NEGR1: variants seen among roughly 807,000 people sequenced by gnomAD.
NEGR1 encodes the protein neuronal growth regulator 1.
NEGR1 carries 10 observed loss-of-function variants against 40.9 expected under a neutral mutation model. The ratio of observed to expected loss-of-function variants is 0.24; its 90% CI spans 0.15 to 0.42. The LOEUF is 0.42. Ranked by LOEUF, NEGR1 falls within the 10% of genes least tolerant of loss-of-function variation. NEGR1 has a pLI of 1.00. For missense variants in NEGR1, 352 were observed against 438.9 expected, an observed-to-expected ratio of 0.80 and a Z score of 1.77; for synonymous variants, 185 against 166.8, an observed-to-expected ratio of 1.11 and a Z score of -0.84.
intron 1 of NEGR1, among the ~76,000 whole-genome samples, chr1:72,174,089 T>C (rs995707716): frequency 6.6e-6 from 1 of 152,146 alleles, no homozygotes; most frequent in African/African-American, 2.4e-5. Context: ...GTTTGTTTTT[T>C]TTAAAAAAAC....
chr1:72,124,644 T>C (rs1435319208), intron 1 of NEGR1, among the ~76,000 whole-genome samples: 1 of 152,076 alleles, frequency 6.6e-6, no homozygotes, highest in Non-Finnish European at 1.5e-5. Context: ...GGGACCTAAT[T>C]CTATCATCCA....
rs375128374 is a variant in NEGR1 at position 71,609,465 on chromosome 1, A to T, written c.788+1561T>A. Among the ~76,000 whole-genome samples, 861 of 137,352 alleles carry T rather than the reference A, an allele frequency of 6.3e-3. 4 individuals carry two copies. The highest frequency in any genetic ancestry group is 0.02 in the Middle Eastern group (5 of 244). 90.1% of individuals were successfully genotyped at this position (137,352 alleles called of 152,430 possible). On this transcript the variant is annotated intron_variant, in intron 5 of 6. Transcript: ENST00000357731. ...GGGAGGCGGAGCTTGCAGTGAGCCG[A>T]CATCACGCCACTGCACTCCAGCCTG...
At chr1:72,201,043 G>A (rs1263966602) in intron 1 of NEGR1, among the ~76,000 whole-genome samples, 1 of 151,544 alleles carries the variant, frequency 6.6e-6, no homozygotes, top group Non-Finnish European at 1.5e-5. Flanking sequence ...TATATGAATG[G>A]GTAATGTAGA....
intron 4 of NEGR1, among the ~76,000 whole-genome samples, chr1:71,676,222 G>A (rs1302884397): frequency 6.6e-6 from 1 of 151,914 alleles, no homozygotes; most frequent in Non-Finnish European, 1.5e-5. Context: ...TGTGAATTAG[G>A]GACCATCATT....
chr1:72,046,613 T>G (rs551127854), intron 1 of NEGR1, among the ~76,000 whole-genome samples: 2 of 151,750 alleles, frequency 1.3e-5, no homozygotes, highest in South Asian at 4.1e-4. Context: ...TTTAAATCTT[T>G]AGTTATTTTG....
Position 71,913,255 on chromosome 1 carries a change from C to G in NEGR1, c.409+21824G>C, listed in dbSNP as rs570571022. ...CTCAGCCTCCAAGTAGCTGGGATAA[C>G]AGGCGCCTGCCACCACGCCCAGCTA... On this transcript the variant is annotated intron_variant, in intron 2 of 6. Coordinates refer to ENST00000357731, the MANE Select transcript of NEGR1 (RefSeq NM_173808.3). Among the ~76,000 whole-genome samples the G allele has an allele frequency of 5.3e-5, 8 of 152,260 alleles. No individual in the cohort carries two copies. In the East Asian group the frequency reaches 1.4e-3, roughly 26 times the overall value.
At chr1:72,121,676 G>T (rs901512051) in intron 1 of NEGR1, among the ~76,000 whole-genome samples, 1 of 151,868 alleles carries the variant, frequency 6.6e-6, no homozygotes, top group Non-Finnish European at 1.5e-5. Flanking sequence ...AAAATATGAT[G>T]AGTCTATCAA....
At chr1:72,004,817 C>A (rs1484743571) in intron 1 of NEGR1, among the ~76,000 whole-genome samples, 1 of 152,062 alleles carries the variant, frequency 6.6e-6, no homozygotes, top group African/African-American at 2.4e-5. Context: ...ATTTCAATAT[C>A]CTGGAGATTC....
intron 2 of NEGR1, among the ~76,000 whole-genome samples, chr1:71,885,407 A>G (rs915796325): frequency 6.6e-6 from 1 of 152,190 alleles, no homozygotes; most frequent in African/African-American, 2.4e-5. Flanking sequence ...CTCACACAGC[A>G]GTGTTTCTTG....
intron 1 of NEGR1, among the ~76,000 whole-genome samples, chr1:72,047,863 T>C (rs1647016807): frequency 6.6e-6 from 1 of 151,506 alleles, no homozygotes; most frequent in African/African-American, 2.4e-5. Context: ...ATTAAGTCTT[T>C]CCTCAAGCAG....
intron 6 of NEGR1, among the ~76,000 whole-genome samples, chr1:71,525,866 A>G (rs989607535): frequency 6.6e-6 from 1 of 151,640 alleles, no homozygotes; most frequent in African/African-American, 2.4e-5. Context: ...CATTTGATTT[A>G]ACATATTAAA....
At chr1:71,831,610 C>T (rs573334754) in intron 2 of NEGR1, among the ~76,000 whole-genome samples, 3 of 151,982 alleles carry the variant, frequency 2.0e-5, no homozygotes, top group South Asian at 4.2e-4. Flanking sequence ...GTGTGAGACA[C>T]AATCCTGTAA....
At chr1:72,010,875 G>C (rs949376010) in intron 1 of NEGR1, among the ~76,000 whole-genome samples, 12 of 152,036 alleles carry the variant, frequency 7.9e-5, no homozygotes, top group African/African-American at 2.9e-4. Flanking sequence ...ACAATACACA[G>C]GACAATTCAT....
At chr1:71,802,530 A>C (rs1420851882) in intron 2 of NEGR1, among the ~76,000 whole-genome samples, 1 of 152,188 alleles carries the variant, frequency 6.6e-6, no homozygotes, top group East Asian at 1.9e-4. Flanking sequence ...TACTTCTCAG[A>C]GAGGGTGGGG....
At chr1:72,099,705 T>C (rs934032858) in intron 1 of NEGR1, among the ~76,000 whole-genome samples, 3 of 152,040 alleles carry the variant, frequency 2.0e-5, no homozygotes, top group Admixed American at 6.6e-5. Context: ...ACCAATTTAA[T>C]TCTTTCTGAT....
intron 4 of NEGR1, among the ~76,000 whole-genome samples, chr1:71,672,958 G>A (rs958387174): frequency 1.3e-5 from 2 of 152,130 alleles, no homozygotes; most frequent in Admixed American, 6.5e-5. Flanking sequence ...ATCCATGGCC[G>A]GGTGCGGTGG....
intron 2 of NEGR1, among the ~76,000 whole-genome samples, chr1:71,916,582 GTC>G (rs1661591101): frequency 6.6e-6 from 1 of 151,950 alleles, no homozygotes; most frequent in African/African-American, 2.4e-5. Context: ...GTAAAACACC[GTC>G]TCTACTAAAA....
chr1:71,977,813 G>A (rs1570572605), intron 1 of NEGR1, among the ~76,000 whole-genome samples: 1 of 126,806 alleles, frequency 7.9e-6, no homozygotes, highest in Non-Finnish European at 1.6e-5. Context: ...AGAGACTAAA[G>A]CGCAAAACAA....
At chr1:71,858,925 A>T (rs570346970) in intron 2 of NEGR1, among the ~76,000 whole-genome samples, 16 of 152,078 alleles carry the variant, frequency 1.1e-4, no homozygotes, top group African/African-American at 3.9e-4. Context: ...CCTATTTTCC[A>T]AGTCCCCATT....
Sources: allele counts gnomAD v4.1 joint callset (sites outside exome capture counted in the v4.1 genomes callset), GRCh38; gene constraint gnomAD v4.1.1; transcripts MANE v1.5; gene names NCBI Gene and HGNC (gene_info 2026-07-23, HGNC 2026-07-21).